Variants in ZSWIM5 observed in about 807,000 individuals in gnomAD.
ZSWIM5 encodes the protein zinc finger SWIM-type containing 5, also known as zinc finger SWIM domain-containing protein 5.
Under a neutral mutation model 119.6 loss-of-function variants are expected in ZSWIM5, and 55 were observed. The observed-to-expected ratio is 0.46, with a 90% CI of 0.37 to 0.58. ZSWIM5 has a LOEUF of 0.58. Ranked by LOEUF, ZSWIM5 falls within the 20% of genes least tolerant of loss-of-function variation. The pLI is 0.00. For synonymous variants in ZSWIM5, 537 were observed against 606.9 expected (o/e 0.88, Z 1.69); for missense variants, 1,193 against 1,512.8 (o/e 0.79, Z 3.51).
Position 45,106,612 on chromosome 1 carries a change from C to T in ZSWIM5, c.596-18375G>A, listed in dbSNP as rs550098338. Among the ~76,000 whole-genome samples the T allele has an allele frequency of 4.3e-4, 63 of 147,910 alleles. No homozygotes were observed. In the South Asian group the frequency reaches 4.6e-3, roughly 11 times the overall value. On this transcript the variant is annotated intron_variant, in intron 1 of 13. Transcript: ENST00000359600. ...GTGAGGTGCCTCTGCCCGGCCGCCC[C>T]GTCTGGGAAGTGAGGCGCGCCTCTG...
intron 1 of ZSWIM5, among the ~76,000 whole-genome samples, chr1:45,162,039 T>C (rs1272043855): frequency 6.6e-6 from 1 of 152,018 alleles, no homozygotes. Context: ...GTTCATTCTT[T>C]AATTTCACCA....
intron 1 of ZSWIM5, among the ~76,000 whole-genome samples, chr1:45,121,498 C>A (rs1304318740): frequency 2.0e-5 from 3 of 152,176 alleles, no homozygotes; most frequent in Non-Finnish European, 4.4e-5. Flanking sequence ...CTTGGATTTT[C>A]CGCAGGGACT....
chr1:45,169,001 A>G (rs1331616924), intron 1 of ZSWIM5, among the ~76,000 whole-genome samples: 1 of 152,090 alleles, frequency 6.6e-6, no homozygotes, highest in African/African-American at 2.4e-5. Context: ...ACAAAGTAAT[A>G]CCCAAACTCT....
At chr1:45,186,501 G>A (rs1367260540) in intron 1 of ZSWIM5, among the ~76,000 whole-genome samples, 1 of 151,836 alleles carries the variant, frequency 6.6e-6, no homozygotes, top group Non-Finnish European at 1.5e-5. Flanking sequence ...GCCACAGAAT[G>A]CAGATAGCTT....
intron 2 of ZSWIM5, among the ~76,000 whole-genome samples, chr1:45,085,524 G>GTTTTTTTTTTTTTTTTTTTT (rs1387910637): frequency 7.8e-6 from 1 of 128,948 alleles, no homozygotes; most frequent in Non-Finnish European, 1.7e-5. Context: ...AGGTTAGTTT[G>GTTTTTTTTTTTTTTTTTTTT]TTTGTTTTTT....
At chr1:45,167,145 A>T (rs1362029020) in intron 1 of ZSWIM5, among the ~76,000 whole-genome samples, 12 of 150,076 alleles carry the variant, frequency 8.0e-5, no homozygotes, top group Non-Finnish European at 1.6e-4. Context: ...ATGGAACAGA[A>T]CAGAGCCCTC....
chr1:45,043,452 C>G, intron 5 of ZSWIM5, 57 bp from the exon 6 acceptor site: 1 of 1,570,568 alleles, frequency 6.4e-7, no homozygotes, highest in Middle Eastern at 1.7e-4. Flanking sequence ...GTTTTAAGCC[C>G]TGGGTCTTCT....
At chr1:45,043,897 T>C (rs914661218) in intron 5 of ZSWIM5, among the ~76,000 whole-genome samples, 2 of 152,144 alleles carry the variant, frequency 1.3e-5, no homozygotes, top group African/African-American at 4.8e-5. Context: ...AGAGTTGAAA[T>C]AGAGCTGAAG....
At chr1:45,181,856 A>C (rs1480741501) in intron 1 of ZSWIM5, among the ~76,000 whole-genome samples, 1 of 152,154 alleles carries the variant, frequency 6.6e-6, no homozygotes, top group Non-Finnish European at 1.5e-5. Context: ...AGGACAAATA[A>C]AATACTTTAC....
chr1:45,043,462 T>C lies in ZSWIM5; in HGVS notation c.1433-67A>G, dbSNP rs1043662768. ...TTGAAGTTTTAAGCCCTGGGTCTTC[T>C]TCAGGGTGGGAGGTTGGCTGAATAA... On this transcript the variant is annotated intron_variant, in intron 5 of 13. Coordinates refer to ENST00000359600, the MANE Select transcript of ZSWIM5 (RefSeq NM_020883.2). The C allele has an allele frequency of 1.6e-5, 24 of 1,515,954 alleles. No homozygotes were observed. The African/African-American group carries it at 2.1e-4, about 13-fold the overall frequency. The allele number at this position is 1,515,954 out of a possible 1,614,324, so 93.9% of individuals were successfully genotyped here.
intron 1 of ZSWIM5, among the ~76,000 whole-genome samples, chr1:45,203,397 A>ATGAC (rs1420026045): frequency 6.6e-6 from 1 of 151,774 alleles, no homozygotes; most frequent in Non-Finnish European, 1.5e-5. Context: ...AAATTCCCTT[A>ATGAC]TGACTCTTTT....
At chr1:45,129,790 C>G (rs556636732) in intron 1 of ZSWIM5, among the ~76,000 whole-genome samples, 9 of 152,108 alleles carry the variant, frequency 5.9e-5, no homozygotes, top group African/African-American at 2.2e-4. Flanking sequence ...CAAAATGAAC[C>G]ACAGATTAAA....
chr1:45,096,455 T>C (rs1007494064), intron 1 of ZSWIM5, among the ~76,000 whole-genome samples: 14 of 145,040 alleles, frequency 9.7e-5, no homozygotes, highest in South Asian at 2.1e-4. Context: ...TGTGTGTGTG[T>C]GTGTGTGCGT....
chr1:45,048,074 TCTTTTC>T (rs1645067050), intron 5 of ZSWIM5, among the ~76,000 whole-genome samples: 2 of 24,350 alleles, frequency 8.2e-5, no homozygotes, highest in African/African-American at 3.5e-4. Context: ...TCTTTCCTTT[TCTTTTC>T]TCTTTTTTTT....
intron 1 of ZSWIM5, among the ~76,000 whole-genome samples, chr1:45,113,027 G>A (rs1017740434): frequency 1.3e-5 from 2 of 152,176 alleles, no homozygotes; most frequent in Non-Finnish European, 2.9e-5. Context: ...GACAACCCTC[G>A]TAGATGTGGA....
intron 2 of ZSWIM5, among the ~76,000 whole-genome samples, chr1:45,078,494 C>G (rs1645268715): frequency 6.6e-6 from 1 of 152,194 alleles, no homozygotes. Flanking sequence ...GGCAGAGACT[C>G]TTGTTCTCTT....
chr1:45,168,117 A>C (rs1226912), intron 1 of ZSWIM5, among the ~76,000 whole-genome samples: 24,368 of 152,102 alleles, frequency 0.16, 2,676 homozygotes, highest in African/African-American at 0.3. Context: ...AATGTGGCAC[A>C]TATACAGCAT....
chr1:45,194,509 T>C (rs1646110601), intron 1 of ZSWIM5, among the ~76,000 whole-genome samples: 1 of 152,156 alleles, frequency 6.6e-6, no homozygotes. Flanking sequence ...TTCCTACTAA[T>C]ATTACCCCTT....
chr1:45,164,098 C>A (rs1324092063), intron 1 of ZSWIM5, among the ~76,000 whole-genome samples: 1 of 152,168 alleles, frequency 6.6e-6, no homozygotes, highest in Non-Finnish European at 1.5e-5. Context: ...TAAAGGGAAG[C>A]CCATCAGACT....
Sources: allele counts gnomAD v4.1 joint callset (sites outside exome capture counted in the v4.1 genomes callset), GRCh38; gene constraint gnomAD v4.1.1; transcripts MANE v1.5; gene names NCBI Gene and HGNC (gene_info 2026-07-23, HGNC 2026-07-21).